ZNF891: variants seen among roughly 807,000 people sequenced by gnomAD.
ZNF891 encodes the protein hCG1646157.
For missense variants in ZNF891, 589 were observed against 632.7 expected, an observed-to-expected ratio of 0.93 and a Z score of 0.74; for synonymous variants, 199 against 209.0, an observed-to-expected ratio of 0.95 and a Z score of 0.41.
Position 133,105,616 on chromosome 12 carries a change from G to A in ZNF891, c.*14668C>T. On this transcript the variant is annotated 3_prime_UTR_variant, in exon 2 of 2. Transcript: ENST00000537226. ...AAAGAATTCTAAGTCAAGGCCCTGTGTATTCCAGTTTTAAAGGAGGCTGGA... is the reference window on the plus strand; with the variant it reads ...AAAGAATTCTAAGTCAAGGCCCTGTATATTCCAGTTTTAAAGGAGGCTGGA... 1 of 1,614,120 alleles carries A rather than the reference G, an allele frequency of 6.2e-7. No individual in the cohort carries two copies. The highest frequency in any genetic ancestry group is 8.5e-7 in the Non-Finnish European group (1 of 1,180,034).
chr12:133,126,656 C>CAAA (rs36042670), intron 1 of ZNF891, among the ~76,000 whole-genome samples: 1 of 124,038 alleles, frequency 8.1e-6, no homozygotes, highest in African/African-American at 2.9e-5. Context: ...AATAAAAATA[C>CAAA]AAAAAAAAAA....
chr12:133,111,912 G>C lies in ZNF891; in HGVS notation c.*8372C>G, dbSNP rs753608727. 3.4e-4 allele frequency: 52 copies of C among 152,138 alleles called. No individual in the cohort carries two copies. The highest frequency in any genetic ancestry group is 6.6e-4 in the Non-Finnish European group (45 of 68,034). 9.4% of individuals were successfully genotyped at this position (152,138 alleles called of 1,614,324 possible). A position where few individuals can be genotyped will look rare whatever the true frequency, so the allele number is the denominator to read the frequency against. ...TTTTTGGCATTCAAATTTCATACAT[G>C]AACTATTGCAAATAGCTTCCTAGTC... On this transcript the variant is annotated 3_prime_UTR_variant, in exon 2 of 2. Transcript: ENST00000537226.
chr12:133,106,575 G>A lies in ZNF891; in HGVS notation c.*13709C>T, dbSNP rs1471316126. 1.2e-6 allele frequency: 2 copies of A among 1,613,574 alleles called. No individual in the cohort carries two copies. The highest frequency in any genetic ancestry group is 1.7e-6 in the Non-Finnish European group (2 of 1,179,942). Reference sequence around the variant, plus strand: ...AGCTCAAACCTTGCTAAACATCAGAGGACACACACTCTTGACAACCCCTAT... The same window carrying A: ...AGCTCAAACCTTGCTAAACATCAGAAGACACACACTCTTGACAACCCCTAT... On this transcript the variant is annotated 3_prime_UTR_variant, in exon 2 of 2. Coordinates refer to ENST00000537226, the MANE Select transcript of ZNF891 (RefSeq NM_001277291.2).
chr12:133,121,766 C>T lies in ZNF891; in HGVS notation c.153G>A (p.Glu51=). 1 of 1,536,976 alleles carries T rather than the reference C, an allele frequency of 6.5e-7. No homozygotes were observed. Among genetic ancestry groups the T allele is most frequent in the South Asian group, 1.2e-5 (1 of 84,060 alleles). Reference sequence around the variant, plus strand: ...GCATCATCCACTCCTCCTGAGTGAACTCCACAGCTACATCTTTGAAAGTCA... The same window carrying T: ...GCATCATCCACTCCTCCTGAGTGAATTCCACAGCTACATCTTTGAAAGTCA... ...EPMTFKDVAV[E]FTQEEWMMLD... Residue 51 remains glutamate (E), a synonymous_variant, in exon 2 of 2, where the codon GAG becomes GAA. Coordinates refer to ENST00000537226, the MANE Select transcript of ZNF891 (RefSeq NM_001277291.2).
intron 1 of ZNF891, among the ~76,000 whole-genome samples, chr12:133,126,551 G>A (rs150796656): frequency 2.0e-5 from 3 of 149,560 alleles, no homozygotes; most frequent in Admixed American, 1.3e-4. Flanking sequence ...AGTGGCTTAC[G>A]CCTGTAATCC....
In ZNF891 at chr12:133,105,746, G is replaced by A; in HGVS notation, c.*14538C>T. The A allele has an allele frequency of 1.9e-6, 3 of 1,614,190 alleles. No homozygotes were observed. Among genetic ancestry groups the A allele is most frequent in the Non-Finnish European group, 2.5e-6 (3 of 1,180,036 alleles). ...GGCTCAACATATGAATATCAGTACT[G>A]TGGAGAGGCCCTATGGATGCCATGA... On this transcript the variant is annotated 3_prime_UTR_variant, in exon 2 of 2. Transcript: ENST00000537226.
At position 133,107,185 on chromosome 12, in the gene ZNF891, G is replaced by GA. The variant is rs34275042; in HGVS notation, c.*13098dup. 6.6e-6 allele frequency: 1 copy of GA among 152,326 alleles called. No individual in the cohort carries two copies. Among genetic ancestry groups the GA allele is most frequent in the Non-Finnish European group, 1.5e-5 (1 of 68,164 alleles). The allele number at this position is 152,326 out of a possible 1,614,324, so 9.4% of individuals were successfully genotyped here. On this transcript the variant is annotated 3_prime_UTR_variant, in exon 2 of 2. Coordinates refer to ENST00000537226, the MANE Select transcript of ZNF891 (RefSeq NM_001277291.2). The stretch of plus-strand genomic sequence containing the variant: ...CTTACATTTTAATACTCTTGTAGGA[G>GA]AAAAAGCAACTGTATAAATGAATGT...
At chr12:133,122,960 A>G (rs1237053907) in intron 1 of ZNF891, among the ~76,000 whole-genome samples, 2 of 152,258 alleles carry the variant, frequency 1.3e-5, no homozygotes, top group African/African-American at 4.8e-5. Flanking sequence ...ATAAATAACA[A>G]AATAACATAT....
chr12:133,127,260 C>T (rs999297877), intron 1 of ZNF891, among the ~76,000 whole-genome samples: 1 of 151,962 alleles, frequency 6.6e-6, no homozygotes, highest in Non-Finnish European at 1.5e-5. Flanking sequence ...CCACGGTGCC[C>T]GGCCAGAAAC....
At chr12:133,129,689 G>C (rs946385673) in intron 1 of ZNF891, among the ~76,000 whole-genome samples, 1 of 152,072 alleles carries the variant, frequency 6.6e-6, no homozygotes, top group African/African-American at 2.4e-5. Context: ...TAGTATAACG[G>C]GCAAGGATAG....
At position 133,106,780 on chromosome 12, in the gene ZNF891, C is replaced by T; in HGVS notation, c.*13504G>A. On this transcript the variant is annotated 3_prime_UTR_variant, in exon 2 of 2. Coordinates refer to ENST00000537226, the MANE Select transcript of ZNF891 (RefSeq NM_001277291.2). ...TGACTGTGAAGTAATATGGCCCACA[C>T]TTTATTCACCACCCTGGAGAAAAAA... The T allele has an allele frequency of 1.3e-6, 1 of 771,134 alleles. No homozygotes were observed. The highest frequency in any genetic ancestry group is 1.9e-6 in the Non-Finnish European group (1 of 523,896). The allele number at this position is 771,134 out of a possible 1,614,324, so 47.8% of individuals were successfully genotyped here. A position where few individuals can be genotyped will look rare whatever the true frequency, so the allele number is the denominator to read the frequency against.
chr12:133,128,958 C>A (rs1012579304), intron 1 of ZNF891, among the ~76,000 whole-genome samples: 1 of 151,248 alleles, frequency 6.6e-6, no homozygotes, highest in Non-Finnish European at 1.5e-5. Flanking sequence ...TACACATATA[C>A]CTTATAGGAG....
At position 133,114,048 on chromosome 12, in the gene ZNF891, G is replaced by T. The variant is rs1955702147; in HGVS notation, c.*6236C>A. 6.6e-6 allele frequency: 1 copy of T among 151,946 alleles called. No homozygotes were observed. The highest frequency in any genetic ancestry group is 1.5e-5 in the Non-Finnish European group (1 of 67,994). The allele number at this position is 151,946 out of a possible 1,614,324, so 9.4% of individuals were successfully genotyped here. On this transcript the variant is annotated 3_prime_UTR_variant, in exon 2 of 2. Coordinates refer to ENST00000537226, the MANE Select transcript of ZNF891 (RefSeq NM_001277291.2). ...GTTTGTACTAATTTACGCTTCCATT[G>T]GTAGTCTAAAGCAAGTATACGACAC...
rs746506174 is a variant in ZNF891, at chr12:133,119,781, G to C, written c.*503C>G. Reference sequence around the variant, plus strand: ...CAAAAAGTAGAGGACAAGATAGATAGTTCTGATCCCAGTGATATGTCTATT... The same window carrying C: ...CAAAAAGTAGAGGACAAGATAGATACTTCTGATCCCAGTGATATGTCTATT... On this transcript the variant is annotated 3_prime_UTR_variant, in exon 2 of 2. Coordinates refer to ENST00000537226, the MANE Select transcript of ZNF891 (RefSeq NM_001277291.2). 6.4e-6 allele frequency: 1 copy of C among 155,268 alleles called. No homozygotes were observed. Among genetic ancestry groups the C allele is most frequent in the Non-Finnish European group, 1.4e-5 (1 of 69,990 alleles). The allele number at this position is 155,268 out of a possible 1,614,324, so 9.6% of individuals were successfully genotyped here.
rs760579103 is a variant in ZNF891 at position 133,106,559 on chromosome 12, C to T, written c.*13725G>A. ...CAAATCCTTCAGCTGGAGCTCAAAC[C>T]TTGCTAAACATCAGAGGACACACAC... On this transcript the variant is annotated 3_prime_UTR_variant, in exon 2 of 2. Transcript: ENST00000537226. The T allele has an allele frequency of 6.2e-7, 1 of 1,613,878 alleles. No individual in the cohort carries two copies. The highest frequency in any genetic ancestry group is 1.1e-5 in the South Asian group (1 of 91,082).
chr12:133,121,816 G>C lies in ZNF891; in HGVS notation c.103C>G (p.Leu35Val). The C allele has an allele frequency of 6.5e-7, 1 of 1,536,784 alleles. No individual in the cohort carries two copies. Among genetic ancestry groups the C allele is most frequent in the Non-Finnish European group, 8.7e-7 (1 of 1,147,018 alleles). Residue 35 changes from leucine (L) to valine (V), a missense_variant, in exon 2 of 2, where the codon CTG becomes GTG. Coordinates refer to ENST00000537226, the MANE Select transcript of ZNF891 (RefSeq NM_001277291.2). ...AEEERMIAVF[L>V]TTWLQEPMTF... is the part of the protein sequence containing the mutation. ...ATTGGTTCCTGTAACCAGGTTGTCA[G>C]AAATACAGCAATCATCCTTTCCTCT...
rs1411846904 is a variant in ZNF891 at position 133,107,852 on chromosome 12, G to GA, written c.*12431dup. 1.3e-5 allele frequency: 2 copies of GA among 152,200 alleles called. No homozygotes were observed. The highest frequency in any genetic ancestry group is 2.9e-5 in the Non-Finnish European group (2 of 68,026). The allele number at this position is 152,200 out of a possible 1,614,324, so 9.4% of individuals were successfully genotyped here. A position where few individuals can be genotyped will look rare whatever the true frequency, so the allele number is the denominator to read the frequency against. On this transcript the variant is annotated 3_prime_UTR_variant, in exon 2 of 2. Transcript: ENST00000537226. The stretch of plus-strand genomic sequence containing the variant: ...TTTATTTTGTAGAAAGAGAGGTAGA[G>GA]AATATGAATAGGAATGAATTTAGTG...
In ZNF891 at chr12:133,109,859, CA is replaced by C. The variant is rs1302985580; in HGVS notation, c.*10424del. 1.3e-5 allele frequency: 2 copies of C among 152,174 alleles called. No individual in the cohort carries two copies. The highest frequency in any genetic ancestry group is 2.9e-5 in the Non-Finnish European group (2 of 68,036). The allele number at this position is 152,174 out of a possible 1,614,324, so 9.4% of individuals were successfully genotyped here. A position where few individuals can be genotyped will look rare whatever the true frequency, so the allele number is the denominator to read the frequency against. On this transcript the variant is annotated 3_prime_UTR_variant, in exon 2 of 2. Coordinates refer to ENST00000537226, the MANE Select transcript of ZNF891 (RefSeq NM_001277291.2). ...GCCTTTGAGCTAAGAATGATTTTAA[CA>C]TCTTTAAAAAGCTGCTTAGAAAAAT...
chr12:133,113,622 C>T lies in ZNF891; in HGVS notation c.*6662G>A, dbSNP rs1955698874. ...TATTGTTACTTATACATGAAAAATCCTTTTATAAAATCTCAGTTTAAAATT... is the reference window on the plus strand; with the variant it reads ...TATTGTTACTTATACATGAAAAATCTTTTTATAAAATCTCAGTTTAAAATT... On this transcript the variant is annotated 3_prime_UTR_variant, in exon 2 of 2. Coordinates refer to ENST00000537226, the MANE Select transcript of ZNF891 (RefSeq NM_001277291.2). The T allele has an allele frequency of 3.9e-5, 6 of 152,086 alleles. No individual in the cohort carries two copies. In the South Asian group the frequency reaches 1.2e-3, roughly 32 times the overall value. 9.4% of individuals were successfully genotyped at this position (152,086 alleles called of 1,614,324 possible).
Sources: allele counts gnomAD v4.1 joint callset (sites outside exome capture counted in the v4.1 genomes callset), GRCh38; gene constraint gnomAD v4.1.1; transcripts MANE v1.5; gene names NCBI Gene and HGNC (gene_info 2026-07-23, HGNC 2026-07-21).